The following GRID2 variants were observed in gnomAD, a reference collection of about 807,000 sequenced individuals.
GRID2 encodes the protein glutamate ionotropic receptor delta type subunit 2.
A neutral mutation model predicts 114.8 loss-of-function variants in GRID2; 33 were observed. The observed-to-expected ratio is 0.29, with a 90% confidence interval of 0.22 to 0.38. The LOEUF (loss-of-function observed/expected upper bound fraction) is 0.38. GRID2 is among the 10% of genes least tolerant of loss of function. The pLI is 1.00. For missense variants in GRID2, 1,184 were observed against 1,257.7 expected (o/e 0.94, Z 0.89); for synonymous variants, 505 against 449.9 (o/e 1.12, Z -1.55).
At chr4:93,730,878 A>C (rs567035422) in intron 14 of GRID2, among the ~76,000 whole-genome samples, 1 of 152,212 alleles carries the variant, frequency 6.6e-6, no homozygotes, top group Non-Finnish European at 1.5e-5. Flanking sequence ...AGGAATGCAA[A>C]TATGCATAAA....
chr4:93,128,048 A>AC (rs1734451149), intron 4 of GRID2, among the ~76,000 whole-genome samples: 15 of 144,648 alleles, frequency 1.0e-4, no homozygotes, highest in African/African-American at 4.0e-4. Context: ...AAAAAAAAAA[A>AC]AAAAAAAAAA....
intron 2 of GRID2, among the ~76,000 whole-genome samples, chr4:93,077,720 G>T (rs1729461822): frequency 6.6e-6 from 1 of 152,090 alleles, no homozygotes; most frequent in Non-Finnish European, 1.5e-5. Context: ...AAGTGCAATT[G>T]CTATATCTTC....
intron 1 of GRID2, among the ~76,000 whole-genome samples, chr4:92,348,274 A>AT (rs1402816821): frequency 1.4e-4 from 22 of 152,258 alleles, no homozygotes; most frequent in African/African-American, 4.8e-4. Flanking sequence ...AGACTTTAAT[A>AT]TTTTAGGCGA....
intron 8 of GRID2, among the ~76,000 whole-genome samples, chr4:93,269,091 G>A (rs1410071512): frequency 6.6e-6 from 1 of 151,998 alleles, no homozygotes; most frequent in Non-Finnish European, 1.5e-5. Flanking sequence ...TTAATTCAGG[G>A]TCACATCCAG....
chr4:92,672,463 C>T (rs557681317), intron 2 of GRID2, among the ~76,000 whole-genome samples: 2 of 152,038 alleles, frequency 1.3e-5, no homozygotes, highest in African/African-American at 4.8e-5. Context: ...ACAGCTTTCT[C>T]CAGTCTTTTA....
At chr4:93,421,204 A>C (rs79223752) in intron 9 of GRID2, among the ~76,000 whole-genome samples, 5,529 of 152,258 alleles carry the variant, frequency 0.036, 148 homozygotes, top group Middle Eastern at 0.075. Flanking sequence ...AGAAAGAATA[A>C]GAAATGTTGC....
chr4:93,791,555 A>G (rs1464737776), intron 1 of GRID2, among the ~76,000 whole-genome samples: 1 of 152,220 alleles, frequency 6.6e-6, no homozygotes, highest in Non-Finnish European at 1.5e-5. Context: ...GGAGATTTTC[A>G]TTTTTAAAGG....
At chr4:92,759,570 T>C (rs2149344303) in intron 2 of GRID2, among the ~76,000 whole-genome samples, 1 of 152,140 alleles carries the variant, frequency 6.6e-6, no homozygotes, top group African/African-American at 2.4e-5. Context: ...CAAATATATG[T>C]TATGTGTGTA....
chr4:92,585,306 T>G lies in GRID2; in HGVS notation c.89-4825T>G, dbSNP rs541608866. Among the ~76,000 whole-genome samples, 8 of 152,134 alleles carry G rather than the reference T, an allele frequency of 5.3e-5. 1 individual carries two copies. Among genetic ancestry groups the G allele is most frequent in the Admixed American group, 5.2e-4 (8 of 15,260 alleles). On this transcript the variant is annotated intron_variant, in intron 1 of 15. Transcript: ENST00000282020. ...ATTGCATGTAGCATCTTTGCTAACT[T>G]TCAGTTAAGTTTATTCCTTTTATGA...
At chr4:92,820,912 A>G (rs1017148218) in intron 2 of GRID2, among the ~76,000 whole-genome samples, 5 of 152,168 alleles carry the variant, frequency 3.3e-5, no homozygotes, top group African/African-American at 1.2e-4. Flanking sequence ...ATCTAATCTG[A>G]TTTTCAAATT....
chr4:93,225,735 G>GAAT (rs1340941905), intron 7 of GRID2, among the ~76,000 whole-genome samples: 1 of 152,164 alleles, frequency 6.6e-6, no homozygotes, highest in East Asian at 1.9e-4. Context: ...TTTAAATAGA[G>GAAT]AATAGCCTGG....
Position 92,813,797 on chromosome 4 carries a change from G to A in GRID2, c.244+223511G>A, listed in dbSNP as rs529303582. On this transcript the variant is annotated intron_variant, in intron 2 of 15. Transcript: ENST00000282020. ...ATAAAACTGAGTTTCTAAAGGAAAC[G>A]TATTTTGAGGTGAAAATCTGTTTAG... Among the ~76,000 whole-genome samples the A allele has an allele frequency of 9.2e-5, 14 of 152,192 alleles. No individual in the cohort carries two copies. In the East Asian group the frequency reaches 2.1e-3, roughly 23 times the overall value.
At chr4:93,380,048 G>A (rs1417579935) in intron 8 of GRID2, among the ~76,000 whole-genome samples, 2 of 152,038 alleles carry the variant, frequency 1.3e-5, no homozygotes, top group African/African-American at 2.4e-5. Context: ...CAAAAAGTAT[G>A]TCCATGAACT....
intron 1 of GRID2, among the ~76,000 whole-genome samples, chr4:93,800,093 CA>C (rs760427073): frequency 4.6e-5 from 7 of 152,138 alleles, no homozygotes; most frequent in Non-Finnish European, 1.0e-4. Context: ...CCTAACCTAC[CA>C]AATTCCTATG....
chr4:93,796,875 TA>T (rs1734813904), intron 1 of GRID2, among the ~76,000 whole-genome samples: 2 of 152,270 alleles, frequency 1.3e-5, no homozygotes, highest in South Asian at 4.1e-4. Context: ...TAAAGAGTGT[TA>T]AGCTATCCAA....
At chr4:93,540,635 C>A (rs1405641657) in intron 13 of GRID2, among the ~76,000 whole-genome samples, 2 of 152,102 alleles carry the variant, frequency 1.3e-5, no homozygotes, top group Admixed American at 1.3e-4. Flanking sequence ...TGTAAGAGAT[C>A]TTAATTTTGC....
At chr4:92,866,982 C>T (rs1487128782) in intron 2 of GRID2, among the ~76,000 whole-genome samples, 2 of 152,038 alleles carry the variant, frequency 1.3e-5, no homozygotes, top group Non-Finnish European at 2.9e-5. Flanking sequence ...TTCAATGAAG[C>T]TTTTATGTCC....
chr4:93,438,239 A>G (rs1261403159), intron 10 of GRID2, among the ~76,000 whole-genome samples: 2 of 152,020 alleles, frequency 1.3e-5, no homozygotes, highest in African/African-American at 4.8e-5. Flanking sequence ...ATAAATAATT[A>G]AAACACAGTG....
intron 12 of GRID2, among the ~76,000 whole-genome samples, chr4:93,497,770 G>C (rs1727691467): frequency 6.6e-6 from 1 of 151,746 alleles, no homozygotes; most frequent in Admixed American, 6.6e-5. Flanking sequence ...TGAGTAGAGT[G>C]ATTCTTCCCA....
Sources: allele counts gnomAD v4.1 joint callset (sites outside exome capture counted in the v4.1 genomes callset), GRCh38; gene constraint gnomAD v4.1.1; transcripts MANE v1.5; gene names NCBI Gene and HGNC (gene_info 2026-07-23, HGNC 2026-07-21).